Variants in TNS4 observed in about 807,000 individuals in gnomAD.
TNS4 encodes the protein tensin-4.
In TNS4, 46 loss-of-function variants were observed where a neutral mutation model predicts 70.4. The observed-to-expected ratio is 0.65, with a 90% CI of 0.52 to 0.84. The LOEUF is 0.84. Among genes scored for constraint, TNS4 ranks in the 40% least tolerant of loss-of-function variants. The pLI is 0.00. For synonymous variants in TNS4, 390 were observed against 366.6 expected, an observed-to-expected ratio of 1.06 and a Z score of -0.73; for missense variants, 863 against 907.0, an observed-to-expected ratio of 0.95 and a Z score of 0.62.
intron 4 of TNS4, among the ~76,000 whole-genome samples, chr17:40,486,830 A>C (rs1279734266): frequency 1.3e-5 from 2 of 151,936 alleles, no homozygotes; most frequent in African/African-American, 4.8e-5. Flanking sequence ...ATATCTCTTT[A>C]CCTCCGCGTT....
chr17:40,480,706 A>T lies in TNS4; in HGVS notation c.1735T>A (p.Ser579Thr). The T allele has an allele frequency of 9.0e-6, 14 of 1,560,650 alleles. No individual in the cohort carries two copies. The highest frequency in any genetic ancestry group is 1.2e-5 in the Non-Finnish European group (14 of 1,157,938). ...CCCTTCCTGTACCACTCACCCGCAG[A>T]TTTCTTCTGGCAGGAGGCTGGGCTG... Reference protein sequence around the residue: ...TDSPASCQKKSAGCHTLYLSS... With the variant: ...TDSPASCQKKTAGCHTLYLSS... Residue 579 changes from serine to threonine, a missense_variant, in exon 9 of 13, where the codon TCT becomes ACT. By Grantham distance (58) the Ser-to-Thr change is moderately conservative (BLOSUM62 1). Transcript: ENST00000254051.
At chr17:40,484,653 ACACCCTGTCCC>A in intron 5 of TNS4, 44 bp from the exon 6 acceptor site, 1 of 1,607,142 alleles carries the variant, frequency 6.2e-7, no homozygotes, top group Non-Finnish European at 8.5e-7. Context: ...CCCCACCTGG[ACACCCTGTCCC>A]CAGCCCCGTA....
At chr17:40,499,353 G>A (rs971560674) in intron 1 of TNS4, among the ~76,000 whole-genome samples, 12 of 152,190 alleles carry the variant, frequency 7.9e-5, no homozygotes, top group African/African-American at 2.7e-4. Flanking sequence ...CACTCGGGGA[G>A]CTCGGCTCTT....
rs1567811314 is a variant in TNS4, at chr17:40,487,235, T to TG, written c.1088dup (p.Ser364IlefsTer84). ...TGTCCACCATGGAGTTGGTGATGGA[T>TG]GGGGGGCAGCTGCTGGCATGTTCTT... On this transcript the variant is annotated frameshift_variant, in exon 4 of 13. Transcript: ENST00000254051. LOFTEE classifies it high-confidence loss of function. 2 of 1,614,024 alleles carry TG rather than the reference T, an allele frequency of 1.2e-6. No individual in the cohort carries two copies. Among genetic ancestry groups the TG allele is most frequent in the Non-Finnish European group, 1.7e-6 (2 of 1,179,998 alleles).
rs754028834 is a variant in TNS4, at chr17:40,479,810, C to T, written c.1774G>A (p.Val592Met). The T allele has an allele frequency of 6.1e-5, 99 of 1,613,390 alleles. No individual in the cohort carries two copies. Among genetic ancestry groups the T allele is most frequent in the Non-Finnish European group, 8.1e-5 (95 of 1,179,868 alleles). The change falls in exon 10 of 13, where the codon GTG becomes ATG. Residue 592 changes from valine (V) to methionine (M), a missense_variant. Coordinates refer to ENST00000254051, the MANE Select transcript of TNS4 (RefSeq NM_032865.6). ...GCCAGGGCTCCAGTCAGGGTCTCCA[C>T]GCTCACTGAGCTCAGGTACAGGGTG... is the stretch of plus-strand genomic sequence containing the variant. ...CHTLYLSSVS[V>M]ETLTGALAVQ...
chr17:40,501,303 C>G (rs903718257), intron 1 of TNS4, among the ~76,000 whole-genome samples: 1 of 151,988 alleles, frequency 6.6e-6, no homozygotes, highest in African/African-American at 2.4e-5. Flanking sequence ...GAAAATTAGC[C>G]GGGCATGGTG....
At chr17:40,500,285 C>T (rs1415649668) in intron 1 of TNS4, among the ~76,000 whole-genome samples, 6 of 152,242 alleles carry the variant, frequency 3.9e-5, no homozygotes, top group African/African-American at 7.2e-5. Flanking sequence ...GCAGCCCCTA[C>T]GCTCCTCTTC....
Position 40,476,984 on chromosome 17 carries a change from T to C in TNS4, c.*604A>G, listed in dbSNP as rs2035856178. The C allele has an allele frequency of 1.3e-5, 2 of 152,300 alleles. No individual in the cohort carries two copies. Among genetic ancestry groups the C allele is most frequent in the Non-Finnish European group, 2.9e-5 (2 of 68,162 alleles). 9.4% of individuals were successfully genotyped at this position (152,300 alleles called of 1,614,324 possible). On this transcript the variant is annotated 3_prime_UTR_variant, in exon 13 of 13. Transcript: ENST00000254051. ...ACAAGTTCCCCCTGCTGAGCTGCCC[T>C]AAATACCACACCCAGCTTGGCCTGC...
intron 9 of TNS4, 144 bp downstream of exon 9, chr17:40,480,556 T>G: frequency 2.6e-6 from 2 of 767,118 alleles, no homozygotes; most frequent in Non-Finnish European, 3.7e-6. Flanking sequence ...TGTGGCACCT[T>G]GTTAAAGATG....
chr17:40,496,438 GA>G lies in TNS4; in HGVS notation c.-14del. 6.2e-7 allele frequency: 1 copy of G among 1,606,916 alleles called. No homozygotes were observed. Among genetic ancestry groups the G allele is most frequent in the East Asian group, 2.2e-5 (1 of 44,826 alleles). On this transcript the variant is annotated 5_prime_UTR_variant, in exon 2 of 13. Coordinates refer to ENST00000254051, the MANE Select transcript of TNS4 (RefSeq NM_032865.6). ...TCACCTGGGACATGGTGGGGGTGGTGACCTCTGCAGTTTACCTCTGGTCTTC... is the reference window on the plus strand; with the variant it reads ...TCACCTGGGACATGGTGGGGGTGGTGCCTCTGCAGTTTACCTCTGGTCTTC...
intron 2 of TNS4, among the ~76,000 whole-genome samples, chr17:40,490,378 C>G (rs1464707869): frequency 6.6e-6 from 1 of 152,352 alleles, no homozygotes; most frequent in East Asian, 1.9e-4. Context: ...GTCCTTGGTG[C>G]TGTTCCAGCA....
At chr17:40,492,862 T>C (rs1467055221) in intron 2 of TNS4, among the ~76,000 whole-genome samples, 1 of 152,018 alleles carries the variant, frequency 6.6e-6, no homozygotes, top group Non-Finnish European at 1.5e-5. Flanking sequence ...CTGGCCAACA[T>C]GGTGAAACCC....
At chr17:40,486,922 C>A in intron 4 of TNS4, 114 bp downstream of exon 4, 1 of 1,361,682 alleles carries the variant, frequency 7.3e-7, no homozygotes, top group Non-Finnish European at 1.0e-6. Flanking sequence ...TGGCATAGTG[C>A]CAGACACACA....
chr17:40,484,806 TC>T, intron 5 of TNS4, 114 bp downstream of exon 5: 1 of 1,382,390 alleles, frequency 7.2e-7, no homozygotes, highest in Non-Finnish European at 1.0e-6. Context: ...GACATCCCCC[TC>T]CCCCGCTTCC....
chr17:40,478,152 C>T lies in TNS4; in HGVS notation c.2006+155G>A, dbSNP rs1181957404. 1.1e-5 allele frequency: 10 copies of T among 931,608 alleles called. No homozygotes were observed. In the African/African-American group the frequency reaches 1.7e-4, roughly 16 times the overall value. The allele number at this position is 931,608 out of a possible 1,614,324, so 57.7% of individuals were successfully genotyped here. A position where few individuals can be genotyped will look rare whatever the true frequency, so the allele number is the denominator to read the frequency against. ...CCCAACAGCCCAGAGGCTCTGAGGG[C>T]AGTCAAAGTCTTTCCCATCAGATGG... On this transcript the variant is annotated intron_variant, in intron 12 of 12. Transcript: ENST00000254051.
At chr17:40,489,058 G>T in intron 2 of TNS4, 89 bp from the exon 3 acceptor site, 1 of 1,279,384 alleles carries the variant, frequency 7.8e-7, no homozygotes, top group Non-Finnish European at 1.1e-6. Flanking sequence ...AGGTCATTCT[G>T]TCCCCCCTCT....
In TNS4 at chr17:40,477,594, C is replaced by A. The variant is rs766728719; in HGVS notation, c.2142G>T (p.Arg714Ser). 12 of 1,613,980 alleles carry A rather than the reference C, an allele frequency of 7.4e-6. No homozygotes were observed. The East Asian group carries it at 2.5e-4, about 33-fold the overall frequency. The change falls in exon 13 of 13, where the codon AGG (arginine) becomes AGT (serine). Residue 714 changes from arginine to serine, a missense_variant. By Grantham distance (110) the Arg-to-Ser change is moderately radical. Transcript: ENST00000254051. ...LVTALLQDAE[R>S]M ...TGCACAGGCAGTCTCTCCCCTACAT[C>A]CTTTCTGCGTCCTGCAGCAGAGCAG...
chr17:40,480,996 C>G (rs2035915316), intron 8 of TNS4: 1 of 516,412 alleles, frequency 1.9e-6, no homozygotes, highest in African/African-American at 2.0e-5. Context: ...CCCCTCCTCG[C>G]CCCCCCACCT....
chr17:40,478,621 G>A lies in TNS4; in HGVS notation c.1938C>T (p.Leu646=). The change falls in exon 11 of 13, where the codon CTC becomes CTT. Residue 646 remains leucine, a synonymous_variant. Transcript: ENST00000254051. ...RKVFFRRHYP[L]TTLRFCGMDP... ...CCATACCACAGAAGCGGAGGGTGGT[G>A]AGTGGGTAATGGCGCCGGAAAAACA... 1.2e-6 allele frequency: 2 copies of A among 1,614,178 alleles called. No individual in the cohort carries two copies. Among genetic ancestry groups the A allele is most frequent in the South Asian group, 1.1e-5 (1 of 91,078 alleles).
Sources: gnomAD v4.1 joint callset for allele counts (sites outside exome capture counted in the v4.1 genomes callset) on GRCh38, gnomAD v4.1.1 for gene constraint, MANE v1.5 for transcripts, NCBI Gene and HGNC (gene_info 2026-07-23, HGNC 2026-07-21) for gene names.